MYRIP: variants seen among roughly 807,000 people sequenced by gnomAD.
MYRIP encodes myosin VIIA and Rab interacting protein, also known as rab effector MyRIP.
MYRIP carries 49 observed loss-of-function variants against 98.0 expected under a neutral mutation model. The ratio of observed to expected loss-of-function variants is 0.50; its 90% CI spans 0.40 to 0.63. The LOEUF (loss-of-function observed/expected upper bound fraction) is 0.63, where lower values mean the gene tolerates loss of function less well. MYRIP is among the 30% of genes least tolerant of loss of function. The pLI, the probability that MYRIP is intolerant of heterozygous loss-of-function variation, is 0.00. For synonymous variants in MYRIP, 404 were observed against 409.5 expected (o/e 0.99, Z 0.16); for missense variants, 1,004 against 1,058.2 (o/e 0.95, Z 0.71).
At chr3:39,927,279 A>G (rs947218850) in intron 2 of MYRIP, among the ~76,000 whole-genome samples, 8 of 152,004 alleles carry the variant, frequency 5.3e-5, no homozygotes, top group African/African-American at 1.9e-4. Context: ...AAGAAATACA[A>G]TTTGACTTTT....
At chr3:40,041,006 G>T (rs1025504375) in intron 2 of MYRIP, among the ~76,000 whole-genome samples, 1 of 18,474 alleles carries the variant, frequency 5.4e-5, no homozygotes. Flanking sequence ...AAAAAAAAAA[G>T]AAAATATTAC....
At chr3:39,980,528 C>T (rs1575433841) in intron 2 of MYRIP, among the ~76,000 whole-genome samples, 1 of 152,322 alleles carries the variant, frequency 6.6e-6, no homozygotes, top group East Asian at 1.9e-4. Flanking sequence ...CTTCAAAATC[C>T]TCCAGTGGTC....
chr3:39,966,267 A>G (rs893798339), intron 2 of MYRIP, among the ~76,000 whole-genome samples: 2 of 152,178 alleles, frequency 1.3e-5, no homozygotes, highest in African/African-American at 4.8e-5. Flanking sequence ...TTTGGAAGGC[A>G]AGGGAGGGCA....
chr3:40,008,729 G>A (rs558569160), intron 2 of MYRIP, among the ~76,000 whole-genome samples: 1 of 152,326 alleles, frequency 6.6e-6, no homozygotes, highest in Admixed American at 6.5e-5. Flanking sequence ...AAGCCTGATG[G>A]TTCCTGAACC....
At chr3:39,948,452 C>A (rs923209392) in intron 2 of MYRIP, among the ~76,000 whole-genome samples, 1 of 151,876 alleles carries the variant, frequency 6.6e-6, no homozygotes, top group Non-Finnish European at 1.5e-5. Flanking sequence ...TTAAAGAAGT[C>A]AGGCAAATAT....
intron 3 of MYRIP, chr3:40,100,222 G>A: frequency 1.0e-6 from 1 of 985,376 alleles, no homozygotes. Context: ...GAGTAGAAGA[G>A]CTTGGCAGAA....
intron 2 of MYRIP, among the ~76,000 whole-genome samples, chr3:40,020,413 C>T (rs1359291112): frequency 2.6e-5 from 4 of 152,166 alleles, no homozygotes; most frequent in African/African-American, 4.8e-5. Flanking sequence ...TTACACCTTT[C>T]GAGTTTTGTG....
At chr3:40,119,029 G>A (rs545587086) in intron 3 of MYRIP, among the ~76,000 whole-genome samples, 17 of 152,042 alleles carry the variant, frequency 1.1e-4, no homozygotes, top group South Asian at 2.1e-4. Flanking sequence ...GAATAATGCC[G>A]CAATAAACAT....
At chr3:40,220,222 A>AT (rs1952294099) in intron 11 of MYRIP, among the ~76,000 whole-genome samples, 1 of 151,872 alleles carries the variant, frequency 6.6e-6, no homozygotes, top group South Asian at 2.1e-4. Context: ...TTCATTGTAG[A>AT]TTCTGGATAT....
chr3:40,151,967 A>G lies in MYRIP; in HGVS notation c.469+783A>G, dbSNP rs571960814. On this transcript the variant is annotated intron_variant, in intron 4 of 16. Coordinates refer to ENST00000302541, the MANE Select transcript of MYRIP (RefSeq NM_015460.4). ...TATTTTACATTGTTGTTTTCTCAATAAAGTCTTTGGTTGTATCTTATCTAA... is the reference window on the plus strand; with the variant it reads ...TATTTTACATTGTTGTTTTCTCAATGAAGTCTTTGGTTGTATCTTATCTAA... Among the ~76,000 whole-genome samples the G allele has an allele frequency of 2.0e-5, 3 of 152,302 alleles. No individual in the cohort carries two copies. The East Asian group carries it at 5.8e-4, about 29-fold the overall frequency.
rs1288175990 is a variant in MYRIP, at chr3:40,004,581, C to T, written c.111-39469C>T. On this transcript the variant is annotated intron_variant, in intron 2 of 16. Transcript: ENST00000302541. ...CTGAGATTTTGGTGCACCTGTCACC[C>T]GAGCAGTATACACTGTACCCCATGT... Among the ~76,000 whole-genome samples the T allele has an allele frequency of 5.9e-5, 9 of 152,176 alleles. 1 individual carries two copies. The South Asian group carries it at 1.7e-3, about 28-fold the overall frequency.
intron 3 of MYRIP, among the ~76,000 whole-genome samples, chr3:40,130,637 C>A (rs1370066495): frequency 6.6e-6 from 1 of 151,984 alleles, no homozygotes; most frequent in Non-Finnish European, 1.5e-5. Flanking sequence ...GCCTCGGCCT[C>A]CCAAAGTGCT....
intron 2 of MYRIP, among the ~76,000 whole-genome samples, chr3:39,918,435 C>A (rs1033718440): frequency 1.4e-4 from 22 of 152,186 alleles, no homozygotes; most frequent in African/African-American, 4.3e-4. Context: ...CCTAGTCATC[C>A]ATTTTGCAGT....
At chr3:40,002,903 C>T (rs1348780026) in intron 2 of MYRIP, among the ~76,000 whole-genome samples, 1 of 151,868 alleles carries the variant, frequency 6.6e-6, no homozygotes, top group Non-Finnish European at 1.5e-5. Context: ...TAGATAGACA[C>T]ATACAAGTAT....
chr3:40,257,985 G>A, intron 16 of MYRIP, 149 bp from the exon 17 acceptor site: 1 of 787,802 alleles, frequency 1.3e-6, no homozygotes, highest in Non-Finnish European at 2.1e-6. Context: ...ATTTAAAAAT[G>A]ACATCAGTTT....
At chr3:39,960,918 A>G (rs1945307932) in intron 2 of MYRIP, among the ~76,000 whole-genome samples, 1 of 152,136 alleles carries the variant, frequency 6.6e-6, no homozygotes, top group African/African-American at 2.4e-5. Flanking sequence ...TGTGCTGTGC[A>G]GACAGGAACC....
At chr3:39,836,819 A>G (rs2125589943) in intron 1 of MYRIP, among the ~76,000 whole-genome samples, 1 of 152,336 alleles carries the variant, frequency 6.6e-6, no homozygotes, top group East Asian at 1.9e-4. Context: ...TGGTTAAGAG[A>G]GTAGTTCTAG....
At chr3:40,188,515 C>T (rs895704721) in intron 9 of MYRIP, among the ~76,000 whole-genome samples, 5 of 151,380 alleles carry the variant, frequency 3.3e-5, no homozygotes, top group South Asian at 2.1e-4. Flanking sequence ...CTGTGGCTCA[C>T]GCCTGTAATC....
chr3:39,979,031 A>G (rs537565251), intron 2 of MYRIP, among the ~76,000 whole-genome samples: 3 of 152,318 alleles, frequency 2.0e-5, no homozygotes, highest in South Asian at 4.1e-4. Flanking sequence ...GCTTCATTGT[A>G]CATTAGTGTT....
Sources: gnomAD v4.1 joint callset for allele counts (sites outside exome capture counted in the v4.1 genomes callset) on GRCh38, gnomAD v4.1.1 for gene constraint, MANE v1.5 for transcripts, NCBI Gene and HGNC (gene_info 2026-07-23, HGNC 2026-07-21) for gene names.